EFCAB8: variants seen among roughly 807,000 people sequenced by gnomAD.
The protein encoded by EFCAB8 is EF-hand calcium-binding domain-containing protein 8.
A neutral mutation model predicts 116.3 loss-of-function variants in EFCAB8; 100 were observed. The observed-to-expected ratio is 0.86, with a 90% CI of 0.73 to 1.02. The LOEUF (loss-of-function observed/expected upper bound fraction) is 1.02. EFCAB8 is among the 50% of genes least tolerant of loss of function. EFCAB8 has a pLI of 0.00. For missense variants in EFCAB8, 1,320 were observed against 1,416.9 expected, an observed-to-expected ratio of 0.93 and a Z score of 1.10; for synonymous variants, 558 against 567.9, an observed-to-expected ratio of 0.98 and a Z score of 0.25.
Position 32,937,927 on chromosome 20 carries a change from T to C in EFCAB8, c.2791-5709T>C, listed in dbSNP as rs1351438510. Reference sequence around the variant, plus strand: ...CCACCACACCTGGCTAAAGAATTAATGTCAATTGCTCACAAACTCTTCCAA... The same window carrying C: ...CCACCACACCTGGCTAAAGAATTAACGTCAATTGCTCACAAACTCTTCCAA... On this transcript the variant is annotated intron_variant, in intron 22 of 26. Transcript: ENST00000400522. Among the ~76,000 whole-genome samples, 2 of 150,206 alleles carry C rather than the reference T, an allele frequency of 1.3e-5. 1 individual carries two copies. The highest frequency in any genetic ancestry group is 1.3e-4 in the Admixed American group (2 of 15,136).
chr20:32,907,766 G>A (rs971548225), intron 13 of EFCAB8, among the ~76,000 whole-genome samples: 7 of 152,158 alleles, frequency 4.6e-5, no homozygotes, highest in Non-Finnish European at 1.0e-4. Context: ...GTCCCCAGTC[G>A]GCCATGGGCA....
In EFCAB8 at chr20:32,961,301, G is replaced by A. The variant is rs559402066; in HGVS notation, c.3559G>A (p.Asp1187Asn). The change falls in exon 27 of 27, where the codon GAT (aspartate) becomes AAT (asparagine). Residue 1187 changes from aspartate (D) to asparagine (N), a missense_variant. Coordinates refer to ENST00000400522, the MANE Select transcript of EFCAB8 (RefSeq NM_001143967.2). ...LVPSREQAVL[D>N]TTDSTPAAAS... is the part of the protein sequence containing the mutation. ...GCCCAGCAGGGAGCAGGCTGTGCTG[G>A]ATACCACGGACAGCACGCCTGCGGC... The A allele has an allele frequency of 2.3e-5, 35 of 1,539,842 alleles. No individual in the cohort carries two copies. The East Asian group carries it at 8.1e-4, about 36-fold the overall frequency.
At chr20:32,933,149 C>G (rs1987972352) in intron 22 of EFCAB8, among the ~76,000 whole-genome samples, 1 of 152,130 alleles carries the variant, frequency 6.6e-6, no homozygotes, top group Admixed American at 6.6e-5. Flanking sequence ...AGCTGAGAGA[C>G]TCGTCTAAGC....
At chr20:32,953,913 C>T (rs185188816) in intron 23 of EFCAB8, among the ~76,000 whole-genome samples, 208 of 152,210 alleles carry the variant, frequency 1.4e-3, no homozygotes, top group African/African-American at 4.9e-3. Flanking sequence ...TGGGTTCAAG[C>T]GATCCTCCTG....
intron 4 of EFCAB8, among the ~76,000 whole-genome samples, chr20:32,877,919 A>T (rs1351151742): frequency 6.6e-6 from 1 of 152,130 alleles, no homozygotes; most frequent in Non-Finnish European, 1.5e-5. Flanking sequence ...CAGGACGGCG[A>T]GGGAGACGCT....
chr20:32,929,968 A>G (rs1987830723), intron 20 of EFCAB8, among the ~76,000 whole-genome samples: 1 of 152,216 alleles, frequency 6.6e-6, no homozygotes, highest in Admixed American at 6.5e-5. Flanking sequence ...TGCTTTCTTG[A>G]TGATTGGCTG....
chr20:32,901,031 CT>C (rs759564211), intron 11 of EFCAB8, among the ~76,000 whole-genome samples: 12 of 152,238 alleles, frequency 7.9e-5, no homozygotes, highest in Non-Finnish European at 1.8e-4. Flanking sequence ...AAACAGTGCA[CT>C]GTGTACATTT....
chr20:32,920,478 A>T (rs1236421337), intron 20 of EFCAB8, among the ~76,000 whole-genome samples: 1 of 152,152 alleles, frequency 6.6e-6, no homozygotes, highest in Admixed American at 6.5e-5. Context: ...GTTTAACTGG[A>T]CTTATAGTTC....
chr20:32,916,971 CCTTT>C (rs1987215814), intron 17 of EFCAB8: 1 of 250,706 alleles, frequency 4.0e-6, no homozygotes, highest in Non-Finnish European at 7.7e-6. Context: ...GTTCAAGGTC[CCTTT>C]CTTTTTAGGG....
Position 32,939,045 on chromosome 20 carries a change from G to A in EFCAB8, c.2791-4591G>A, listed in dbSNP as rs1346376834. On this transcript the variant is annotated intron_variant, in intron 22 of 26. Transcript: ENST00000400522. ...CCCTCCCTCCCTCCTTCCTTCCTTCGTTTCTCTCTTTCTTTCTTTCTCTCT... is the reference window on the plus strand; with the variant it reads ...CCCTCCCTCCCTCCTTCCTTCCTTCATTTCTCTCTTTCTTTCTTTCTCTCT... Among the ~76,000 whole-genome samples the A allele has an allele frequency of 1.8e-4, 16 of 89,484 alleles. 1 individual carries two copies. The highest frequency in any genetic ancestry group is 1.1e-3 in the Admixed American group (7 of 6,268). The allele number at this position is 89,484 out of a possible 152,430, so 58.7% of individuals were successfully genotyped here. A position where few individuals can be genotyped will look rare whatever the true frequency, so the allele number is the denominator to read the frequency against.
chr20:32,894,068 C>G (rs1300366895), intron 9 of EFCAB8, among the ~76,000 whole-genome samples: 1 of 152,154 alleles, frequency 6.6e-6, no homozygotes, highest in Non-Finnish European at 1.5e-5. Flanking sequence ...CGCTAGATCC[C>G]CAGAGGATAC....
chr20:32,878,110 A>T (rs1234015772), intron 4 of EFCAB8, among the ~76,000 whole-genome samples: 1 of 152,122 alleles, frequency 6.6e-6, no homozygotes, highest in African/African-American at 2.4e-5. Context: ...TACAAAAAAT[A>T]CAAAAATTAG....
intron 22 of EFCAB8, among the ~76,000 whole-genome samples, chr20:32,935,171 CTTT>C (rs1467755314): frequency 9.9e-4 from 87 of 87,636 alleles, no homozygotes; most frequent in African/African-American, 3.7e-3. Context: ...CTTCTCTTCT[CTTT>C]TCTTTCTTTC....
chr20:32,906,757 G>A lies in EFCAB8; in HGVS notation c.1157-86G>A, dbSNP rs556594465. 3.0e-5 allele frequency: 23 copies of A among 754,930 alleles called. No individual in the cohort carries two copies. The African/African-American group carries it at 3.8e-4, about 12-fold the overall frequency. The allele number at this position is 754,930 out of a possible 1,614,324, so 46.8% of individuals were successfully genotyped here. ...TCTGGCTTCCTCTCCTGCTGCTCTT[G>A]TCCCCACTTCTGGGCACCACCTTCA... On this transcript the variant is annotated intron_variant, in intron 12 of 26. Coordinates refer to ENST00000400522, the MANE Select transcript of EFCAB8 (RefSeq NM_001143967.2).
chr20:32,923,859 G>A (rs1030534847), intron 20 of EFCAB8, among the ~76,000 whole-genome samples: 1 of 152,024 alleles, frequency 6.6e-6, no homozygotes, highest in African/African-American at 2.4e-5. Flanking sequence ...GCTGGGTTTT[G>A]CCTCTATAGA....
Position 32,961,437 on chromosome 20 carries a change from A to G in EFCAB8, c.3695A>G (p.Gln1232Arg), listed in dbSNP as rs1216733147. 2 of 1,456,728 alleles carry G rather than the reference A, an allele frequency of 1.4e-6. No individual in the cohort carries two copies. The highest frequency in any genetic ancestry group is 2.9e-5 in the African/African-American group (2 of 69,724). The allele number at this position is 1,456,728 out of a possible 1,614,324, so 90.2% of individuals were successfully genotyped here. Residue 1232 changes from glutamine to arginine, a missense_variant, in exon 27 of 27, where the codon CAG (glutamine) becomes CGG (arginine). Coordinates refer to ENST00000400522, the MANE Select transcript of EFCAB8 (RefSeq NM_001143967.2). Reference sequence around the variant, plus strand: ...CAGTTCTCCTTCTTGCTGCGGCCCCAGTCAGCCTCCACAGCCCATTCCACC... The same window carrying G: ...CAGTTCTCCTTCTTGCTGCGGCCCCGGTCAGCCTCCACAGCCCATTCCACC... ...TPQFSFLLRP[Q>R]SASTAHSTPS...
intron 1 of EFCAB8, among the ~76,000 whole-genome samples, chr20:32,860,089 T>C (rs1213915713): frequency 3.9e-5 from 6 of 152,182 alleles, no homozygotes; most frequent in Admixed American, 3.3e-4. Context: ...CGGAAAGCAC[T>C]TGAGGCCAAG....
intron 3 of EFCAB8, among the ~76,000 whole-genome samples, chr20:32,874,216 C>T (rs1001695275): frequency 6.6e-6 from 1 of 150,852 alleles, no homozygotes; most frequent in Non-Finnish European, 1.5e-5. Flanking sequence ...CACTTGCTTC[C>T]AGCCTTTATT....
intron 15 of EFCAB8, among the ~76,000 whole-genome samples, chr20:32,911,159 T>A (rs1483859160): frequency 6.6e-6 from 1 of 152,212 alleles, no homozygotes; most frequent in African/African-American, 2.4e-5. Context: ...TTCTTATTTT[T>A]TTGACGGGGT....
Sources: allele counts gnomAD v4.1 joint callset (sites outside exome capture counted in the v4.1 genomes callset), GRCh38; gene constraint gnomAD v4.1.1; transcripts MANE v1.5; gene names NCBI Gene and HGNC (gene_info 2026-07-23, HGNC 2026-07-21).